The following DNAH3 variants were observed in gnomAD, a reference collection of about 807,000 sequenced individuals.
DNAH3 encodes axonemal beta dynein heavy chain 3.
In DNAH3, 332 loss-of-function variants were observed where a neutral mutation model predicts 432.5. The observed-to-expected ratio is 0.77, with a 90% confidence interval of 0.70 to 0.84. The LOEUF (loss-of-function observed/expected upper bound fraction) is 0.84, where lower values mean the gene tolerates loss of function less well. Ranked by LOEUF, DNAH3 falls within the 40% of genes least tolerant of loss-of-function variation. DNAH3 has a pLI of 0.00. For synonymous variants in DNAH3, 1,956 were observed against 1,900.2 expected, an observed-to-expected ratio of 1.03 and a Z score of -0.76; for missense variants, 4,861 against 5,114.0, an observed-to-expected ratio of 0.95 and a Z score of 1.51.
At chr16:21,002,285 A>T (rs774105054) in intron 42 of DNAH3, among the ~76,000 whole-genome samples, 4 of 152,174 alleles carry the variant, frequency 2.6e-5, no homozygotes, top group African/African-American at 4.8e-5. Flanking sequence ...AAGGATTGAA[A>T]AGAGCAGGAG....
At chr16:21,142,488 G>C (rs139648973) in intron 3 of DNAH3, among the ~76,000 whole-genome samples, 1 of 151,886 alleles carries the variant, frequency 6.6e-6, no homozygotes. Flanking sequence ...CATATTTATT[G>C]CAAGTAGAAA....
At position 21,058,190 on chromosome 16, in the gene DNAH3, G is replaced by A. The variant is rs868155282; in HGVS notation, c.3820C>T (p.Arg1274Ter). The A allele has an allele frequency of 1.1e-5, 17 of 1,602,822 alleles. No homozygotes were observed. Among genetic ancestry groups the A allele is most frequent in the Non-Finnish European group, 1.4e-5 (16 of 1,169,922 alleles). Residue 1274 changes from arginine to a stop codon, truncating the protein, a stop_gained, in exon 27 of 62, where the codon CGA becomes TGA. Coordinates refer to ENST00000261383, the Ensembl canonical transcript of DNAH3. LOFTEE classifies it high-confidence loss of function. ...GGCCACTGTAAGACCCAGTGATTTC[G>A]AGGGACCTGGAAAAGCACAGTGGGC...
intron 44 of DNAH3, among the ~76,000 whole-genome samples, chr16:20,996,434 C>T (rs2152686313): frequency 6.6e-6 from 1 of 152,234 alleles, no homozygotes; most frequent in Middle Eastern, 3.4e-3. Flanking sequence ...CCTGTGTCAG[C>T]TGCCAAACCA....
chr16:20,951,738 AT>A (rs869256566), intron 56 of DNAH3, among the ~76,000 whole-genome samples: 3,058 of 73,434 alleles, frequency 0.042, 80 homozygotes, highest in African/African-American at 0.14. Flanking sequence ...CCTGGCCCGT[AT>A]TTTTTTTTTT....
At chr16:20,959,483 A>C in intron 53 of DNAH3, 79 bp from the exon 54 acceptor site, 1 of 1,420,654 alleles carries the variant, frequency 7.0e-7, no homozygotes, top group Non-Finnish European at 9.8e-7. Flanking sequence ...CAACAATAAC[A>C]ACATGGCTGG....
intron 44 of DNAH3, chr16:20,996,991 A>T: frequency 3.2e-6 from 1 of 315,238 alleles, no homozygotes; most frequent in Admixed American, 4.4e-5. Context: ...AGGCTTCTGG[A>T]TGGAGCCTCC....
At chr16:20,986,971 A>G (rs1160046137) in intron 47 of DNAH3, among the ~76,000 whole-genome samples, 2 of 152,362 alleles carry the variant, frequency 1.3e-5, no homozygotes, top group East Asian at 1.9e-4. Context: ...CAGTCAAATC[A>G]TGACAATGTA....
rs1365977531 is a variant in DNAH3 at position 21,025,506 on chromosome 16, TATAAC to T, written c.5541-810_5541-806del. Among the ~76,000 whole-genome samples, 307 of 148,112 alleles carry T rather than the reference TATAAC, an allele frequency of 2.1e-3. 4 individuals carry two copies. The highest frequency in any genetic ancestry group is 6.9e-3 in the South Asian group (33 of 4,760). On this transcript the variant is annotated intron_variant, in intron 38 of 61. Transcript: ENST00000261383. ...ATGTAATTATAGATGTAATTATAGA[TATAAC>T]ATATTTATAGATGTAATTATAGATA...
chr16:20,962,591 G>A (rs1187158076), intron 53 of DNAH3, among the ~76,000 whole-genome samples: 1 of 152,120 alleles, frequency 6.6e-6, no homozygotes, highest in Non-Finnish European at 1.5e-5. Context: ...CATGACATGC[G>A]GCACTAGAAG....
intron 19 of DNAH3, among the ~76,000 whole-genome samples, chr16:21,085,751 G>C (rs891686997): frequency 6.6e-6 from 1 of 151,780 alleles, no homozygotes; most frequent in African/African-American, 2.4e-5. Flanking sequence ...GTTGTCATTG[G>C]GTCCTTTCAG....
intron 16 of DNAH3, among the ~76,000 whole-genome samples, chr16:21,103,081 C>T (rs781297028): frequency 3.3e-5 from 5 of 151,848 alleles, no homozygotes; most frequent in Admixed American, 6.6e-5. Context: ...AACCAAACAT[C>T]GTATATTCTC....
intron 21 of DNAH3, among the ~76,000 whole-genome samples, chr16:21,071,067 A>C (rs1399300688): frequency 6.6e-6 from 1 of 151,210 alleles, no homozygotes; most frequent in East Asian, 2.0e-4. Flanking sequence ...TTTAAGACAG[A>C]GTTTCACTCC....
chr16:21,140,724 A>G lies in DNAH3; in HGVS notation c.522-14T>C, dbSNP rs770031750. The G allele has an allele frequency of 6.2e-7, 1 of 1,613,504 alleles. No homozygotes were observed. Among genetic ancestry groups the G allele is most frequent in the Non-Finnish European group, 8.5e-7 (1 of 1,179,656 alleles). ...GCCAACTTGATCCTGAAAAGTAGAC[A>G]CAGCTCAGCCCTTGGTGTTTGGTTC... On this transcript the variant is annotated splice_polypyrimidine_tract_variant and intron_variant, in intron 4 of 61. Coordinates refer to ENST00000261383, the Ensembl canonical transcript of DNAH3.
chr16:20,969,884 T>C (rs776705266), exon 52 of DNAH3: 1 of 1,614,158 alleles, frequency 6.2e-7, no homozygotes, highest in South Asian at 1.1e-5. Context: ...TGGTGGGTTC[T>C]GCATCGACTT....
At chr16:20,945,673 G>A (rs2084013923) in intron 57 of DNAH3, among the ~76,000 whole-genome samples, 1 of 152,012 alleles carries the variant, frequency 6.6e-6, no homozygotes, top group South Asian at 2.1e-4. Context: ...TGTATTTTTA[G>A]TAGCGACGGG....
chr16:21,037,684 G>T (rs761143612), intron 34 of DNAH3, 77 bp downstream of exon 34: 13 of 1,274,154 alleles, frequency 1.0e-5, no homozygotes, highest in East Asian at 2.4e-5. Flanking sequence ...GAGGGTATGG[G>T]GAAGGCACCA....
intron 44 of DNAH3, among the ~76,000 whole-genome samples, chr16:20,995,720 A>G (rs1597093053): frequency 6.6e-6 from 1 of 151,972 alleles, no homozygotes; most frequent in Non-Finnish European, 1.5e-5. Context: ...ATTTCTCTTC[A>G]ATATAGGGTC....
chr16:21,041,738 C>T (rs1005864666), intron 32 of DNAH3, among the ~76,000 whole-genome samples: 7 of 152,094 alleles, frequency 4.6e-5, no homozygotes, highest in South Asian at 4.1e-4. Flanking sequence ...GCGCTATCTC[C>T]GGCCACCACA....
chr16:21,155,124 A>G (rs1227496560), intron 1 of DNAH3, among the ~76,000 whole-genome samples: 3 of 151,082 alleles, frequency 2.0e-5, no homozygotes, highest in African/African-American at 7.3e-5. Flanking sequence ...TTATTTTTGT[A>G]TTTTTAGTAG....
Sources: gnomAD v4.1 joint callset for allele counts (sites outside exome capture counted in the v4.1 genomes callset) on GRCh38, gnomAD v4.1.1 for gene constraint, MANE v1.5 for transcripts, NCBI Gene and HGNC (gene_info 2026-07-23, HGNC 2026-07-21) for gene names.